The following CDHR3 variants were observed in gnomAD, a reference collection of about 807,000 sequenced individuals.
CDHR3 encodes cadherin related family member 3.
Under a neutral mutation model 86.6 loss-of-function variants are expected in CDHR3, and 79 were observed. The ratio of observed to expected loss-of-function variants is 0.91; its 90% CI spans 0.76 to 1.10. The LOEUF (loss-of-function observed/expected upper bound fraction) is 1.10, where lower values mean the gene tolerates loss of function less well. CDHR3 is among the 50% of genes least tolerant of loss of function. The pLI, the probability that CDHR3 is intolerant of heterozygous loss-of-function variation, is 0.00. For synonymous variants in CDHR3, 421 were observed against 402.4 expected (o/e 1.05, Z -0.55); for missense variants, 1,081 against 1,077.6 (o/e 1.00, Z -0.04).
chr7:105,964,909 C>G (rs1378281648), intron 1 of CDHR3, among the ~76,000 whole-genome samples: 1 of 152,158 alleles, frequency 6.6e-6, no homozygotes, highest in Non-Finnish European at 1.5e-5. Context: ...GTAAACATTT[C>G]AGATTTCCCC....
At chr7:106,018,562 C>T (rs962533876) in intron 12 of CDHR3, among the ~76,000 whole-genome samples, 1 of 152,050 alleles carries the variant, frequency 6.6e-6, no homozygotes, top group Non-Finnish European at 1.5e-5. Flanking sequence ...CCCAAGTTTG[C>T]GGGTGACTGA....
intron 3 of CDHR3, 51 bp downstream of exon 3, chr7:105,981,184 GGC>G: frequency 6.4e-7 from 1 of 1,552,642 alleles, no homozygotes; most frequent in Non-Finnish European, 8.7e-7. Context: ...CATCAGGGAG[GGC>G]CCTGGGGGAC....
intron 4 of CDHR3, among the ~76,000 whole-genome samples, chr7:105,993,841 G>A (rs544002106): frequency 6.6e-6 from 1 of 152,224 alleles, no homozygotes; most frequent in Admixed American, 6.5e-5. Context: ...CTTCCTATGG[G>A]CTCACCCTCA....
At chr7:105,995,415 G>T (rs559152515) in intron 5 of CDHR3, among the ~76,000 whole-genome samples, 1 of 152,080 alleles carries the variant, frequency 6.6e-6, no homozygotes, top group East Asian at 1.9e-4. Flanking sequence ...GACCAAGGAC[G>T]GTGATGTGGA....
chr7:106,004,657 A>G lies in CDHR3; in HGVS notation c.1022A>G (p.Asn341Ser). 2 of 1,613,964 alleles carry G rather than the reference A, an allele frequency of 1.2e-6. No homozygotes were observed. The highest frequency in any genetic ancestry group is 1.7e-6 in the Non-Finnish European group (2 of 1,179,888). The change falls in exon 8 of 19, where the codon AAT becomes AGT. Residue 341 changes from asparagine (N) to serine (S), a missense_variant. Transcript: ENST00000317716. ...ITFIVEDVND[N>S]PATCQKFTFS... ...TTCATTGTGGAAGACGTCAACGACA[A>G]TCCTGCCACATGCCAAAAGTTCACC...
Position 106,017,882 on chromosome 7 carries a change from A to T in CDHR3, c.1463A>T (p.Lys488Ile). Residue 488 changes from lysine (K) to isoleucine (I), a missense_variant, in exon 12 of 19, where the codon AAA becomes ATA. Coordinates refer to ENST00000317716, the MANE Select transcript of CDHR3 (RefSeq NM_152750.5). ...TRVGQVRATD[K>I]DLPQSSLLYS... ...GTGGGACAGGTGCGAGCCACTGATA[A>T]AGACCTCCCCCAGAGCAGCCTCCTG... 1 of 1,601,214 alleles carries T rather than the reference A, an allele frequency of 6.2e-7. No individual in the cohort carries two copies. The highest frequency in any genetic ancestry group is 8.5e-7 in the Non-Finnish European group (1 of 1,173,904).
At chr7:105,968,670 A>C (rs2115600965) in intron 1 of CDHR3, among the ~76,000 whole-genome samples, 1 of 152,136 alleles carries the variant, frequency 6.6e-6, no homozygotes, top group Non-Finnish European at 1.5e-5. Flanking sequence ...GAGCATATGC[A>C]TTTTCTTATG....
intron 1 of CDHR3, among the ~76,000 whole-genome samples, chr7:105,965,986 G>C (rs1008374407): frequency 1.3e-5 from 2 of 152,012 alleles, no homozygotes; most frequent in South Asian, 2.1e-4. Context: ...ATTCACTTCT[G>C]TCCTTTCCAC....
intron 6 of CDHR3, among the ~76,000 whole-genome samples, chr7:105,996,720 C>T (rs1832300176): frequency 2.0e-5 from 3 of 152,132 alleles, no homozygotes; most frequent in Admixed American, 2.0e-4. Flanking sequence ...TCATCACTCA[C>T]GACTCCCTAA....
intron 8 of CDHR3, among the ~76,000 whole-genome samples, chr7:106,006,417 A>G (rs1585725966): frequency 6.6e-6 from 1 of 152,224 alleles, no homozygotes; most frequent in East Asian, 1.9e-4. Flanking sequence ...ATCCGAGACA[A>G]GGCAAATCCC....
In CDHR3 at chr7:106,028,916, TTTTCTTTCTTTCTTTCTTTC is replaced by T. The variant is rs1167671014; in HGVS notation, c.2304+394_2304+413del. On this transcript the variant is annotated intron_variant, in intron 17 of 18. Transcript: ENST00000317716. The stretch of plus-strand genomic sequence containing the variant: ...GCTTCAGCCTCCAGTGAGATTTAAA[TTTTCTTTCTTTCTTTCTTTC>T]TTTCTTTCTTTCTTTCTTTCTTTCT... Among the ~76,000 whole-genome samples the T allele has an allele frequency of 6.4e-3, 535 of 83,068 alleles. 3 individuals are homozygous for T. The highest frequency in any genetic ancestry group is 0.019 in the South Asian group (39 of 2,082). 54.5% of individuals were successfully genotyped at this position (83,068 alleles called of 152,430 possible).
Position 106,032,964 on chromosome 7 carries a change from G to T in CDHR3, c.*267G>T, listed in dbSNP as rs947835895. On this transcript the variant is annotated 3_prime_UTR_variant, in exon 19 of 19. Transcript: ENST00000317716. ...GATAAGCAAGACTGTTAACTTTGGG[G>T]TGTGGAATTGTTGTGTTTCTTCTTT... 2.2e-5 allele frequency: 10 copies of T among 446,750 alleles called. No homozygotes were observed. The South Asian group carries it at 3.5e-4, about 16-fold the overall frequency. 27.7% of individuals were successfully genotyped at this position (446,750 alleles called of 1,614,324 possible). A position where few individuals can be genotyped will look rare whatever the true frequency, so the allele number is the denominator to read the frequency against.
chr7:106,024,348 T>A (rs780259983), intron 14 of CDHR3, 33 bp from the exon 15 acceptor site: 1 of 1,601,344 alleles, frequency 6.2e-7, no homozygotes, highest in Non-Finnish European at 8.5e-7. Context: ...ACTACCACCC[T>A]CTACTCACCC....
At chr7:106,018,328 C>G (rs953617380) in intron 12 of CDHR3, among the ~76,000 whole-genome samples, 1 of 152,194 alleles carries the variant, frequency 6.6e-6, no homozygotes, top group Non-Finnish European at 1.5e-5. Context: ...CTTCCACCTC[C>G]TGGGCTTAAG....
intron 1 of CDHR3, among the ~76,000 whole-genome samples, chr7:105,967,418 A>G (rs572590616): frequency 2.0e-5 from 3 of 152,320 alleles, no homozygotes; most frequent in Non-Finnish European, 4.4e-5. Context: ...ATAAACATAC[A>G]TGTGTATGTG....
intron 16 of CDHR3, 21 bp from the exon 17 acceptor site, chr7:106,028,529 CT>C: frequency 6.2e-7 from 1 of 1,613,896 alleles, no homozygotes; most frequent in African/African-American, 1.3e-5. Flanking sequence ...AGCTTAACTT[CT>C]GCCTGTTCTG....
At chr7:105,994,695 T>G in intron 4 of CDHR3, 56 bp from the exon 5 acceptor site, 1 of 1,165,530 alleles carries the variant, frequency 8.6e-7, no homozygotes, top group Non-Finnish European at 1.3e-6. Context: ...ACACATCTTC[T>G]GGGGAAGGGT....
intron 2 of CDHR3, 112 bp from the exon 3 acceptor site, chr7:105,980,856 G>C: frequency 1.0e-6 from 1 of 985,804 alleles, no homozygotes; most frequent in Non-Finnish European, 1.5e-6. Flanking sequence ...AATGAATGCT[G>C]GTTTCCGGGA....
At chr7:105,977,394 A>G (rs1043064957) in intron 2 of CDHR3, among the ~76,000 whole-genome samples, 2 of 152,206 alleles carry the variant, frequency 1.3e-5, no homozygotes, top group Admixed American at 6.5e-5. Context: ...CTGTTAATCA[A>G]GGAAGAATTC....
Sources: gnomAD v4.1 joint callset for allele counts (sites outside exome capture counted in the v4.1 genomes callset) on GRCh38, gnomAD v4.1.1 for gene constraint, MANE v1.5 for transcripts, NCBI Gene and HGNC (gene_info 2026-07-23, HGNC 2026-07-21) for gene names.